Variants in GARIN6 observed in about 807,000 individuals in gnomAD.
The protein encoded by GARIN6 is Golgi-associated RAB2 interactor protein 6.
chr12:99,649,367 C>G, the GARIN6 span: 3 of 1,614,024 alleles, frequency 1.9e-6, no homozygotes, highest in South Asian at 2.2e-5. Context: ...ATGTTTGGGT[C>G]CACCTATTGT....
At chr12:99,648,300 T>A in the GARIN6 span, 1 of 1,614,196 alleles carries the variant, frequency 6.2e-7, no homozygotes, top group Non-Finnish European at 8.5e-7. Context: ...TATTCAGGTA[T>A]GCACCCATGT....
At chr12:99,648,927 T>C in the GARIN6 span, 2 of 1,225,078 alleles carry the variant, frequency 1.6e-6, no homozygotes, top group Non-Finnish European at 2.2e-6. Flanking sequence ...TGAGCTTCCA[T>C]TTGGAGGCCA....
At chr12:99,648,166 A>G in the GARIN6 span, 1 of 1,606,584 alleles carries the variant, frequency 6.2e-7, no homozygotes, top group Non-Finnish European at 8.5e-7. Context: ...TCTTGATTTA[A>G]AGGAAGACAT....
the GARIN6 span, chr12:99,647,869 C>T: frequency 7.1e-5 from 25 of 354,420 alleles, no homozygotes; most frequent in African/African-American, 4.2e-4. Flanking sequence ...AGGTCCCTCC[C>T]GAATGAGCAC....
chr12:99,648,540 C>T, the GARIN6 span: 1 of 1,614,180 alleles, frequency 6.2e-7, no homozygotes, highest in Non-Finnish European at 8.5e-7. Context: ...GGCTGCTTCC[C>T]TTGATGTTTG....
the GARIN6 span, chr12:99,649,318 G>A: frequency 6.2e-6 from 10 of 1,613,998 alleles, no homozygotes; most frequent in Non-Finnish European, 8.5e-6. Flanking sequence ...TGAAGAGAAG[G>A]AGCAATTCAG....
chr12:99,649,936 T>C, the GARIN6 span: 1 of 154,390 alleles, frequency 6.5e-6, no homozygotes, highest in African/African-American at 2.4e-5. Context: ...CTGGATTGAC[T>C]CTGCAGTAAT....
At chr12:99,649,364 G>T in the GARIN6 span, 1 of 1,614,008 alleles carries the variant, frequency 6.2e-7, no homozygotes, top group South Asian at 1.1e-5. Context: ...GAAATGTTTG[G>T]GTCCACCTAT....
At chr12:99,647,903 C>T in the GARIN6 span, 3 of 435,020 alleles carry the variant, frequency 6.9e-6, no homozygotes, top group African/African-American at 5.8e-5. Context: ...CCCGGACATC[C>T]ACGAGGGCCC....
At chr12:99,649,721 G>C in the GARIN6 span, 1 of 249,054 alleles carries the variant, frequency 4.0e-6, no homozygotes, top group East Asian at 1.0e-4. Flanking sequence ...ATATCAGTAA[G>C]TGCTACTGGC....
chr12:99,649,483 A>C, the GARIN6 span: 1 of 1,093,532 alleles, frequency 9.1e-7, no homozygotes, highest in Non-Finnish European at 1.4e-6. Context: ...ATGAAGGGGC[A>C]GGGTAGCAAC....
At chr12:99,648,811 A>G in the GARIN6 span, 1 of 1,595,266 alleles carries the variant, frequency 6.3e-7, no homozygotes, top group South Asian at 1.1e-5. Flanking sequence ...CAGAGACTAG[A>G]TGGGGCCTGG....
At chr12:99,649,645 C>T in the GARIN6 span, 1 of 438,042 alleles carries the variant, frequency 2.3e-6, no homozygotes, top group Non-Finnish European at 4.1e-6. Flanking sequence ...GTGGGTGCTT[C>T]CATGTCTTAA....
At chr12:99,648,414 C>A in the GARIN6 span, 1 of 1,614,190 alleles carries the variant, frequency 6.2e-7, no homozygotes, top group Non-Finnish European at 8.5e-7. Context: ...GCCCCTGCCT[C>A]ACACTACCTG....
the GARIN6 span, chr12:99,649,609 A>G: frequency 1.9e-6 from 1 of 524,116 alleles, no homozygotes; most frequent in Non-Finnish European, 3.4e-6. Context: ...GAGGTCCAGG[A>G]GGAAGTATAG....
At chr12:99,648,678 C>A in the GARIN6 span, 1 of 1,614,132 alleles carries the variant, frequency 6.2e-7, no homozygotes, top group African/African-American at 1.3e-5. Flanking sequence ...ACTGGGAAAA[C>A]CTTGTTTACA....
chr12:99,648,674 A>G, the GARIN6 span: 9 of 1,614,138 alleles, frequency 5.6e-6, no homozygotes, highest in Non-Finnish European at 6.8e-6. Context: ...GTTCACTGGG[A>G]AAACCTTGTT....
At chr12:99,647,921 T>C in the GARIN6 span, 6 of 483,564 alleles carry the variant, frequency 1.2e-5, no homozygotes, top group Admixed American at 1.4e-4. Flanking sequence ...CCCCAACACC[T>C]GTGCTCCTGA....
chr12:99,648,034 A>T, the GARIN6 span: 17 of 1,176,500 alleles, frequency 1.4e-5, no homozygotes, highest in Non-Finnish European at 1.9e-5. Context: ...GTTCTCAGTC[A>T]CTTGGGGACA....
Sources: allele counts gnomAD v4.1 joint callset, GRCh38; gene constraint gnomAD v4.1.1; transcripts MANE v1.5; gene names NCBI Gene and HGNC (gene_info 2026-07-23, HGNC 2026-07-21).